Variants in MFHAS1 observed in about 807,000 individuals in gnomAD.
The protein encoded by MFHAS1 is multifunctional ROCO family signaling regulator 1, also known as malignant fibrous histiocytoma-amplified sequence 1.
A neutral mutation model predicts 70.4 loss-of-function variants in MFHAS1; 50 were observed. The observed-to-expected ratio is 0.71, with a 90% confidence interval of 0.57 to 0.90. The LOEUF (loss-of-function observed/expected upper bound fraction) is 0.90, where lower values mean the gene tolerates loss of function less well. MFHAS1 is among the 40% of genes least tolerant of loss of function. The probability of loss-of-function intolerance (pLI) is 0.00; values close to 1 mark genes in which losing one functional copy is unlikely to be tolerated. For synonymous variants in MFHAS1, 952 were observed against 620.0 expected (o/e 1.54, Z -7.96); for missense variants, 1,795 against 1,347.6 (o/e 1.33, Z -5.20).
rs1810031160 is a variant in MFHAS1, at chr8:8,891,451, G to A, written c.1608C>T (p.Gly536=). The A allele has an allele frequency of 6.2e-7, 1 of 1,612,864 alleles. No individual in the cohort carries two copies. The highest frequency in any genetic ancestry group is 1.1e-5 in the South Asian group (1 of 91,090). The part of the protein sequence containing the change: ...RVPHAVVCIV[G]THADLCGERE... ...GCTCTCCGCACAGGTCTGCGTGGGT[G>A]CCCACGATGCACACCACCGCGTGGG... The change falls in exon 1 of 3, where the codon GGC becomes GGT. Residue 536 remains glycine (G), a synonymous_variant. Coordinates refer to ENST00000276282, the MANE Select transcript of MFHAS1 (RefSeq NM_004225.3). This position sits in a 1 kb window ranked among gnomAD's most constrained non-coding sequence, Gnocchi z 5.4.
At chr8:8,863,476 T>C (rs1222702933) in intron 1 of MFHAS1, among the ~76,000 whole-genome samples, 2 of 152,198 alleles carry the variant, frequency 1.3e-5, no homozygotes, top group South Asian at 2.1e-4. Flanking sequence ...CCTGCCCAGT[T>C]GACCTCATCC....
intron 1 of MFHAS1, among the ~76,000 whole-genome samples, chr8:8,848,930 T>C (rs1808135652): frequency 6.6e-6 from 1 of 152,208 alleles, no homozygotes; most frequent in Non-Finnish European, 1.5e-5. Context: ...AGGGATTTAC[T>C]TCTGAATTCA....
In MFHAS1 at chr8:8,847,960, A is replaced by G. The variant is rs547477284; in HGVS notation, c.2998+42101T>C. ...GCAGTATACTTGCTGTGATGCACAC[A>G]TGTAACATTAAAAACACTATCCAAA... On this transcript the variant is annotated intron_variant, in intron 1 of 2. Transcript: ENST00000276282. 6.6e-5 allele frequency among the ~76,000 whole-genome samples: 10 copies of G among 152,354 alleles called. No homozygotes were observed. The South Asian group carries it at 2.1e-3, about 32-fold the overall frequency.
At chr8:8,869,820 G>C (rs1809003856) in intron 1 of MFHAS1, among the ~76,000 whole-genome samples, 2 of 152,150 alleles carry the variant, frequency 1.3e-5, no homozygotes, top group Non-Finnish European at 2.9e-5. Flanking sequence ...CAAGAGCTCA[G>C]AGCTAGGAGG....
intron 1 of MFHAS1, among the ~76,000 whole-genome samples, chr8:8,872,544 A>G (rs1809117663): frequency 6.6e-6 from 1 of 152,182 alleles, no homozygotes; most frequent in African/African-American, 2.4e-5. Context: ...ACAAGATGCA[A>G]TCATCCCTGC....
At chr8:8,787,126 G>A (rs1417021961) in intron 2 of MFHAS1, among the ~76,000 whole-genome samples, 15 of 150,746 alleles carry the variant, frequency 1.0e-4, no homozygotes, top group Non-Finnish European at 1.9e-4. Context: ...TGTTGCCCAG[G>A]CTGGAGTGCA....
At chr8:8,819,329 G>T (rs1207680796) in intron 1 of MFHAS1, among the ~76,000 whole-genome samples, 1 of 152,084 alleles carries the variant, frequency 6.6e-6, no homozygotes, top group Admixed American at 6.5e-5. Context: ...GAATTGGCCG[G>T]GTGCGGTGGC....
intron 1 of MFHAS1, among the ~76,000 whole-genome samples, chr8:8,883,066 T>C (rs1809591240): frequency 6.6e-6 from 1 of 152,062 alleles, no homozygotes; most frequent in Non-Finnish European, 1.5e-5. Context: ...AGCAGGAGGA[T>C]CACTTGGACC....
intron 1 of MFHAS1, among the ~76,000 whole-genome samples, chr8:8,801,240 A>C (rs1806074906): frequency 6.6e-6 from 1 of 152,044 alleles, no homozygotes; most frequent in Non-Finnish European, 1.5e-5. Context: ...GAAAGAAAGA[A>C]TGTACAGCAG....
intron 1 of MFHAS1, among the ~76,000 whole-genome samples, chr8:8,830,874 G>T (rs1257500914): frequency 1.3e-5 from 2 of 152,188 alleles, no homozygotes; most frequent in Non-Finnish European, 2.9e-5. Flanking sequence ...TGGGATTACA[G>T]GCATGAGCCA....
intron 1 of MFHAS1, among the ~76,000 whole-genome samples, chr8:8,860,874 C>A (rs1808634285): frequency 6.6e-6 from 1 of 152,244 alleles, no homozygotes; most frequent in African/African-American, 2.4e-5. Flanking sequence ...TGGGCTCATA[C>A]GCATACATAT....
At chr8:8,804,921 T>A (rs1200788086) in intron 1 of MFHAS1, among the ~76,000 whole-genome samples, 1 of 152,168 alleles carries the variant, frequency 6.6e-6, no homozygotes, top group Non-Finnish European at 1.5e-5. Context: ...CTGACAGTAA[T>A]GTTTGCTTGC....
At chr8:8,853,032 C>A (rs973692418) in intron 1 of MFHAS1, among the ~76,000 whole-genome samples, 1 of 152,112 alleles carries the variant, frequency 6.6e-6, no homozygotes, top group Non-Finnish European at 1.5e-5. Context: ...AGCAGGAGGT[C>A]CTGATTCTGT....
chr8:8,839,171 G>A (rs941120080), intron 1 of MFHAS1, among the ~76,000 whole-genome samples: 1 of 151,670 alleles, frequency 6.6e-6, no homozygotes, highest in African/African-American at 2.4e-5. Flanking sequence ...ATTAAACCTG[G>A]GGAAGAGAGA....
At chr8:8,797,612 G>T in intron 1 of MFHAS1, 121 bp from the exon 2 acceptor site, 1 of 1,132,330 alleles carries the variant, frequency 8.8e-7, no homozygotes, top group South Asian at 1.6e-5. Context: ...AAGCAACGAA[G>T]GATGTGAGAA....
chr8:8,883,174 G>C (rs540521033), intron 1 of MFHAS1, among the ~76,000 whole-genome samples: 96 of 151,778 alleles, frequency 6.3e-4, no homozygotes, highest in African/African-American at 1.7e-3. Flanking sequence ...AAAAAGAAAA[G>C]AAAAGAAAAG....
intron 1 of MFHAS1, among the ~76,000 whole-genome samples, chr8:8,850,956 T>A (rs928582978): frequency 6.6e-6 from 1 of 152,054 alleles, no homozygotes. Context: ...GGTTCCATAT[T>A]CACCCCATAG....
At chr8:8,834,009 C>G (rs901975760) in intron 1 of MFHAS1, among the ~76,000 whole-genome samples, 2 of 151,830 alleles carry the variant, frequency 1.3e-5, no homozygotes, top group Admixed American at 1.3e-4. Context: ...GTCTGTAATC[C>G]CAGCTACTCA....
chr8:8,844,223 A>G (rs1807944659), intron 1 of MFHAS1, among the ~76,000 whole-genome samples: 1 of 152,184 alleles, frequency 6.6e-6, no homozygotes, highest in African/African-American at 2.4e-5. Flanking sequence ...GTTGTCTCCA[A>G]AGGTCCTTCC....
Sources: gnomAD v4.1 joint callset for allele counts (sites outside exome capture counted in the v4.1 genomes callset) on GRCh38, gnomAD v4.1.1 for gene constraint, Gnocchi (gnomAD v3.1) non-coding constraint, MANE v1.5 for transcripts, NCBI Gene and HGNC (gene_info 2026-07-23, HGNC 2026-07-21) for gene names.